The following EIPR1 variants were observed in gnomAD, a reference collection of about 807,000 sequenced individuals.
EIPR1 encodes EARP complex and GARP complex interacting protein 1.
Under a neutral mutation model 48.1 loss-of-function variants are expected in EIPR1, and 25 were observed. That is an observed-to-expected ratio of 0.52 (90% CI 0.38 to 0.73). The LOEUF (loss-of-function observed/expected upper bound fraction) is 0.73. EIPR1 is among the 30% of genes least tolerant of loss of function. EIPR1 has a pLI of 0.00. For missense variants in EIPR1, 415 were observed against 506.2 expected (o/e 0.82, Z 1.73); for synonymous variants, 204 against 201.9 (o/e 1.01, Z -0.09).
At chr2:3,330,438 T>C (rs923440523) in intron 3 of EIPR1, among the ~76,000 whole-genome samples, 4 of 152,102 alleles carry the variant, frequency 2.6e-5, no homozygotes, top group Admixed American at 1.3e-4. Context: ...CCTCTGTTGA[T>C]TGAGAGGCCA....
intron 5 of EIPR1, among the ~76,000 whole-genome samples, chr2:3,199,072 G>GCCC (rs986945204): frequency 4.1e-5 from 1 of 24,412 alleles, no homozygotes; most frequent in Non-Finnish European, 1.1e-4. Context: ...CCCCCCCCCC[G>GCCC]CCCCGGGAAT....
At chr2:3,191,247 G>A (rs80157985) in intron 8 of EIPR1, among the ~76,000 whole-genome samples, 1 of 112,270 alleles carries the variant, frequency 8.9e-6, no homozygotes, top group Non-Finnish European at 1.9e-5. Context: ...TGGGCCCATC[G>A]CCACTGCAGA....
intron 3 of EIPR1, among the ~76,000 whole-genome samples, chr2:3,313,644 G>C (rs997580313): frequency 2.0e-5 from 3 of 152,170 alleles, no homozygotes; most frequent in Non-Finnish European, 2.9e-5. Flanking sequence ...TAAATTTATA[G>C]CCATTTTCAG....
intron 3 of EIPR1, chr2:3,261,985 A>G (rs1667348419): frequency 6.6e-6 from 1 of 152,228 alleles, no homozygotes; most frequent in African/African-American, 2.4e-5. Flanking sequence ...CAGAAAGCTA[A>G]TGGGCCCTGG....
At chr2:3,339,338 G>A (rs1019848545) in intron 2 of EIPR1, among the ~76,000 whole-genome samples, 1 of 152,118 alleles carries the variant, frequency 6.6e-6, no homozygotes, top group Admixed American at 6.6e-5. Context: ...TGTGCCTGGC[G>A]CACTCTGCAA....
At chr2:3,261,873 TC>T (rs1667344977) in intron 3 of EIPR1, 2 of 152,200 alleles carry the variant, frequency 1.3e-5, no homozygotes, top group African/African-American at 4.8e-5. Context: ...TGAAACTGCC[TC>T]CCCGTCCCAA....
At chr2:3,341,110 A>C (rs1281745525) in intron 2 of EIPR1, among the ~76,000 whole-genome samples, 67 of 149,516 alleles carry the variant, frequency 4.5e-4, no homozygotes, top group Middle Eastern at 3.4e-3. Flanking sequence ...AAAAAAAAAA[A>C]AAAAAAAAAA....
chr2:3,283,901 G>A (rs1398595010), intron 3 of EIPR1, among the ~76,000 whole-genome samples: 2 of 146,918 alleles, frequency 1.4e-5, no homozygotes, highest in African/African-American at 5.1e-5. Context: ...AGCCAAGATT[G>A]CGCCATTGCA....
chr2:3,208,672 A>G, intron 5 of EIPR1: 5 of 1,550,568 alleles, frequency 3.2e-6, no homozygotes, highest in Non-Finnish European at 3.5e-6. Context: ...TTGCAGTCAT[A>G]ACTCAACCCC....
At chr2:3,351,710 T>G (rs1237414642) in intron 2 of EIPR1, among the ~76,000 whole-genome samples, 2 of 152,166 alleles carry the variant, frequency 1.3e-5, no homozygotes, top group African/African-American at 4.8e-5. Flanking sequence ...GTAACACACA[T>G]ACATACATAC....
chr2:3,365,854 GAA>G (rs1180219605), intron 1 of EIPR1, among the ~76,000 whole-genome samples: 5 of 151,948 alleles, frequency 3.3e-5, no homozygotes, highest in African/African-American at 7.3e-5. Context: ...AGAACAAAAT[GAA>G]AAGTCTCCCA....
chr2:3,260,389 G>A (rs1328006354), intron 3 of EIPR1, among the ~76,000 whole-genome samples: 1 of 151,986 alleles, frequency 6.6e-6, no homozygotes, highest in Admixed American at 6.6e-5. Context: ...TACTTGGGAG[G>A]CTGAGGCAAG....
chr2:3,349,668 GGAGATGGGGACAGGGAGGACGCTGT>G (rs1558314323), intron 2 of EIPR1, among the ~76,000 whole-genome samples: 3 of 150,726 alleles, frequency 2.0e-5, no homozygotes, highest in South Asian at 2.1e-4. Flanking sequence ...GAGCATGCTG[GGAGATGGGGACAGGGAGGACGCTGT>G]GAGATGGGGA....
At position 3,208,543 on chromosome 2, in the gene EIPR1, T is replaced by C. The variant is rs566860206; in HGVS notation, c.516+5606A>G. On this transcript the variant is annotated intron_variant, in intron 5 of 8. Transcript: ENST00000382125. ...GATTAAAAGGACTACTTAAAAATAGTGAGAAATGACCATTTGTTGGGAAAA... is the reference window on the plus strand; with the variant it reads ...GATTAAAAGGACTACTTAAAAATAGCGAGAAATGACCATTTGTTGGGAAAA... The C allele has an allele frequency of 1.7e-5, 26 of 1,548,364 alleles. No individual in the cohort carries two copies. In the African/African-American group the frequency reaches 2.7e-4, roughly 16 times the overall value.
chr2:3,307,957 T>G (rs1219965340), intron 3 of EIPR1, among the ~76,000 whole-genome samples: 2 of 152,060 alleles, frequency 1.3e-5, no homozygotes, highest in Non-Finnish European at 2.9e-5. Context: ...CTCCAAAATA[T>G]GTACCTCTAT....
At chr2:3,341,116 A>AAC (rs1553303417) in intron 2 of EIPR1, among the ~76,000 whole-genome samples, 14 of 128,378 alleles carry the variant, frequency 1.1e-4, no homozygotes, top group African/African-American at 4.1e-4. Context: ...AAAAAAAAAA[A>AAC]AAAACAAAAC....
intron 3 of EIPR1, chr2:3,319,834 TACTGCACCTGTGGGCAAC>T (rs1558295977): frequency 6.5e-5 from 3 of 46,146 alleles, no homozygotes; most frequent in South Asian, 5.7e-4. Context: ...GGCAGGGCAA[TACTGCACCTGTGGGCAAC>T]ACCACCCCTG....
At chr2:3,216,700 C>A (rs1476843804) in intron 4 of EIPR1, among the ~76,000 whole-genome samples, 2 of 152,210 alleles carry the variant, frequency 1.3e-5, no homozygotes, top group Non-Finnish European at 2.9e-5. Context: ...GTTTCTGAAT[C>A]ATACACCCCA....
At chr2:3,332,265 G>C (rs1265237159) in intron 3 of EIPR1, among the ~76,000 whole-genome samples, 1 of 152,250 alleles carries the variant, frequency 6.6e-6, no homozygotes, top group Admixed American at 6.5e-5. Flanking sequence ...AATATGGAAA[G>C]TGAGATGCAC....
Sources: allele counts gnomAD v4.1 joint callset (sites outside exome capture counted in the v4.1 genomes callset), GRCh38; gene constraint gnomAD v4.1.1; transcripts MANE v1.5; gene names NCBI Gene and HGNC (gene_info 2026-07-23, HGNC 2026-07-21).